CLTC: variants seen among roughly 807,000 people sequenced by gnomAD.
The protein encoded by CLTC is clathrin heavy chain 1.
In CLTC, 16 loss-of-function variants were observed where a neutral mutation model predicts 195.8. The ratio of observed to expected loss-of-function variants is 0.08; its 90% confidence interval spans 0.06 to 0.12. CLTC has a LOEUF of 0.12. CLTC is among the 10% of genes least tolerant of loss of function. The pLI, the probability that CLTC is intolerant of heterozygous loss-of-function variation, is 1.00. For missense variants in CLTC, 796 were observed against 2,027.0 expected (o/e 0.39, Z 11.66); for synonymous variants, 667 against 689.4 (o/e 0.97, Z 0.51).
Position 59,666,416 on chromosome 17 carries a change from C to T in CLTC, c.1783-64C>T, listed in dbSNP as rs1011136469. 8.0e-5 allele frequency: 125 copies of T among 1,559,028 alleles called. No individual in the cohort carries two copies. In the Admixed American group the frequency reaches 1.7e-3, roughly 22 times the overall value. On this transcript the variant is annotated intron_variant, in intron 11 of 31. Coordinates refer to ENST00000269122, the MANE Select transcript of CLTC (RefSeq NM_004859.4). The surrounding 1 kb of genome is among the most constrained non-coding windows in gnomAD (Gnocchi z 4.9). ...CACTATTAAACCTTAATCTGTAATA[C>T]GGATATTGAATTACTCATGTAAGTG...
intron 1 of CLTC, among the ~76,000 whole-genome samples, chr17:59,642,463 T>G (rs2032066231): frequency 6.6e-6 from 1 of 152,150 alleles, no homozygotes; most frequent in Non-Finnish European, 1.5e-5. Context: ...CTTTTAGGTA[T>G]ATAGCTCTAT....
At chr17:59,671,588 G>A (rs2143568083) in intron 14 of CLTC, among the ~76,000 whole-genome samples, 1 of 152,264 alleles carries the variant, frequency 6.6e-6, no homozygotes, top group Non-Finnish European at 1.5e-5. Context: ...CATGCCCTAA[G>A]TTTGTAGAAC....
Position 59,655,917 on chromosome 17 carries a change from C to T in CLTC, c.859C>T (p.Leu287Phe). ...GTATGGTTATATCCACCTCTATGATCTTGAGACTGGTACCTGCATCTACAT... is the reference window on the plus strand; with the variant it reads ...GTATGGTTATATCCACCTCTATGATTTTGAGACTGGTACCTGCATCTACAT... ...TKYGYIHLYD[L>F]ETGTCIYMNR... Residue 287 changes from leucine to phenylalanine, a missense_variant, in exon 6 of 32, where the codon CTT becomes TTT. Around this residue, in one of 9 missense-constraint regions of CLTC, gnomAD observed 293 missense variants for 795.6 expected, o/e 0.37. Transcript: ENST00000269122. 3 of 1,611,986 alleles carry T rather than the reference C, an allele frequency of 1.9e-6. No individual in the cohort carries two copies. Among genetic ancestry groups the T allele is most frequent in the Non-Finnish European group, 2.5e-6 (3 of 1,179,336 alleles).
rs2032746351 is a variant in CLTC, at chr17:59,666,998, T to G, written c.2128+21T>G. 6.3e-7 allele frequency: 1 copy of G among 1,589,274 alleles called. No individual in the cohort carries two copies. Among genetic ancestry groups the G allele is most frequent in the Admixed American group, 1.8e-5 (1 of 56,914 alleles). ...TGAAGGTAATTAGGAGTTTTTGAGTTTTTAAAAAAAGTACTTAAGGTAGCC... is the reference window on the plus strand; with the variant it reads ...TGAAGGTAATTAGGAGTTTTTGAGTGTTTAAAAAAAGTACTTAAGGTAGCC... On this transcript the variant is annotated intron_variant, in intron 13 of 31. Transcript: ENST00000269122. The surrounding 1 kb of genome is among the most constrained non-coding windows in gnomAD (Gnocchi z 4.9).
At chr17:59,641,999 GTTTTTT>G (rs398031234) in intron 1 of CLTC, among the ~76,000 whole-genome samples, 2 of 128,684 alleles carry the variant, frequency 1.6e-5, no homozygotes, top group African/African-American at 2.9e-5. Flanking sequence ...AATCTTTGTT[GTTTTTT>G]TTTTTTTTTT....
At chr17:59,675,895 G>A (rs1340077631) in intron 16 of CLTC, among the ~76,000 whole-genome samples, 1 of 152,200 alleles carries the variant, frequency 6.6e-6, no homozygotes, top group African/African-American at 2.4e-5. Flanking sequence ...ATCTTGGATT[G>A]CACATGTTTA....
intron 17 of CLTC, 111 bp from the exon 18 acceptor site, chr17:59,679,286 A>G (rs1242809835): frequency 6.0e-6 from 5 of 836,092 alleles, no homozygotes; most frequent in Middle Eastern, 3.0e-4. Context: ...TAGATCCAAT[A>G]TCAGTAAGAT....
intron 1 of CLTC, among the ~76,000 whole-genome samples, chr17:59,636,518 C>G (rs180738821): frequency 6.6e-6 from 1 of 151,898 alleles, no homozygotes; most frequent in Non-Finnish European, 1.5e-5. Context: ...TGCGGTGGCG[C>G]GATCTCAGCT....
intron 14 of CLTC, among the ~76,000 whole-genome samples, chr17:59,672,619 TACAG>T (rs767494696): frequency 6.6e-6 from 1 of 152,206 alleles, no homozygotes; most frequent in African/African-American, 2.4e-5. Flanking sequence ...TCTGCAGCTT[TACAG>T]ACATTTTTAT....
In CLTC at chr17:59,644,522, T is replaced by TG. The variant is rs769971852; in HGVS notation, c.250+40dup. On this transcript the variant is annotated intron_variant, in intron 2 of 31. Transcript: ENST00000269122. The stretch of plus-strand genomic sequence containing the variant: ...TGGGTTTTCCTTAAAACTCTTCCTA[T>TG]GTTTTTGTTTTTTTTTGTTTTTTTT... 11 of 1,504,956 alleles carry TG rather than the reference T, an allele frequency of 7.3e-6. No homozygotes were observed. In the South Asian group the frequency reaches 1.2e-4, roughly 16 times the overall value. The allele number at this position is 1,504,956 out of a possible 1,614,324, so 93.2% of individuals were successfully genotyped here.
At chr17:59,663,178 A>C (rs1021037531) in intron 8 of CLTC, among the ~76,000 whole-genome samples, 2 of 152,230 alleles carry the variant, frequency 1.3e-5, no homozygotes, top group East Asian at 3.8e-4. Context: ...AAAATCTACT[A>C]TAGTATGTAA....
rs1274332470 is a variant in CLTC at position 59,664,832 on chromosome 17, C to A, written c.1567C>A (p.Arg523=). ...GATATTTCTGCTGAGAAATGTAATG[C>A]GAATCAGTCCAGATCAGGGACAGCA... ...DWIFLLRNVM[R]ISPDQGQQFA... is the part of the protein sequence containing the mutation. The change falls in exon 10 of 32, where the codon CGA becomes AGA. Residue 523 remains arginine (R), a synonymous_variant. Transcript: ENST00000269122. 3 of 1,613,886 alleles carry A rather than the reference C, an allele frequency of 1.9e-6. No individual in the cohort carries two copies. Among genetic ancestry groups the A allele is most frequent in the Non-Finnish European group, 1.7e-6 (2 of 1,179,880 alleles).
At chr17:59,625,487 C>T (rs1414195189) in intron 1 of CLTC, among the ~76,000 whole-genome samples, 1 of 151,980 alleles carries the variant, frequency 6.6e-6, no homozygotes, top group Admixed American at 6.6e-5. Context: ...AAATCCTGGT[C>T]CGTATTTAGA....
chr17:59,660,007 C>T (rs1400115013), intron 6 of CLTC, among the ~76,000 whole-genome samples: 1 of 152,062 alleles, frequency 6.6e-6, no homozygotes, highest in Non-Finnish European at 1.5e-5. Flanking sequence ...GATTGAAGTC[C>T]TCAAGAAGTT....
chr17:59,619,922 C>G lies in CLTC; in HGVS notation c.-210C>G, dbSNP rs998813564. The G allele has an allele frequency of 2.8e-5, 15 of 540,796 alleles. No homozygotes were observed. Among genetic ancestry groups the G allele is most frequent in the African/African-American group, 2.3e-4 (12 of 52,424 alleles). The allele number at this position is 540,796 out of a possible 1,614,324, so 33.5% of individuals were successfully genotyped here. A position where few individuals can be genotyped will look rare whatever the true frequency, so the allele number is the denominator to read the frequency against. Reference sequence around the variant, plus strand: ...CCGTTTCCGGAGTCTGCGCTGCGCCCGGTTCCGCCATTGCGGCTCTCCTGG... The same window carrying G: ...CCGTTTCCGGAGTCTGCGCTGCGCCGGGTTCCGCCATTGCGGCTCTCCTGG... On this transcript the variant is annotated 5_prime_UTR_variant, in exon 1 of 32. Transcript: ENST00000269122.
At position 59,696,525 on chromosome 17, in the gene CLTC, T is replaced by TAAAGAAAGAA. The variant is rs10644070; in HGVS notation, c.*2676_*2677insGAAAGAAAAA. 4 of 212,014 alleles carry TAAAGAAAGAA rather than the reference T, an allele frequency of 1.9e-5. No homozygotes were observed. In the East Asian group the frequency reaches 2.1e-4, roughly 11 times the overall value. The allele number at this position is 212,014 out of a possible 1,614,324, so 13.1% of individuals were successfully genotyped here. A position where few individuals can be genotyped will look rare whatever the true frequency, so the allele number is the denominator to read the frequency against. ...GTCAGTATCCTCCTAAAAGAAGGCT[T>TAAAGAAAGAA]AAATAGTTTCTAACAAGATGACTAT... On this transcript the variant is annotated 3_prime_UTR_variant, in exon 32 of 32. Coordinates refer to ENST00000269122, the MANE Select transcript of CLTC (RefSeq NM_004859.4).
chr17:59,676,207 TAAAAG>T (rs2143578825), intron 16 of CLTC, among the ~76,000 whole-genome samples: 1 of 152,144 alleles, frequency 6.6e-6, no homozygotes, highest in East Asian at 1.9e-4. Context: ...AAAATAAAAA[TAAAAG>T]GAGGCATGGT....
At chr17:59,628,604 G>T (rs1470509687) in intron 1 of CLTC, among the ~76,000 whole-genome samples, 5 of 152,136 alleles carry the variant, frequency 3.3e-5, no homozygotes, top group Non-Finnish European at 7.3e-5. Context: ...GCACACTGGG[G>T]GTCTCAGGGA....
In CLTC at chr17:59,693,868, C is replaced by A; in HGVS notation, c.*16C>A. 1 of 1,595,050 alleles carries A rather than the reference C, an allele frequency of 6.3e-7. No individual in the cohort carries two copies. The highest frequency in any genetic ancestry group is 8.5e-7 in the Non-Finnish European group (1 of 1,171,188). On this transcript the variant is annotated 3_prime_UTR_variant, in exon 32 of 32. Coordinates refer to ENST00000269122, the MANE Select transcript of CLTC (RefSeq NM_004859.4). ...CAGCATGTGAGATGAAGCGCTGATC[C>A]TGTAGTCACCTATTTTCGTACTGAA... is the stretch of plus-strand genomic sequence containing the variant.
Sources: allele counts gnomAD v4.1 joint callset (sites outside exome capture counted in the v4.1 genomes callset), GRCh38; gene constraint gnomAD v4.1.1; regional missense constraint gnomAD v4.1.1; non-coding constraint Gnocchi (gnomAD v3.1); transcripts MANE v1.5; gene names NCBI Gene and HGNC (gene_info 2026-07-23, HGNC 2026-07-21).